Variants in ITGAE observed in about 807,000 individuals in gnomAD.
ITGAE encodes integrin subunit alpha E, also known as integrin alpha-E.
A neutral mutation model predicts 136.5 loss-of-function variants in ITGAE; 99 were observed. The ratio of observed to expected loss-of-function variants is 0.73; its 90% CI spans 0.62 to 0.86. The LOEUF (loss-of-function observed/expected upper bound fraction) is 0.86, where lower values mean the gene tolerates loss of function less well. ITGAE is among the 40% of genes least tolerant of loss of function. ITGAE has a pLI of 0.00. For missense variants in ITGAE, 1,447 were observed against 1,515.3 expected (o/e 0.95, Z 0.75); for synonymous variants, 613 against 591.8 (o/e 1.04, Z -0.52).
intron 1 of ITGAE, among the ~76,000 whole-genome samples, chr17:3,797,384 C>T (rs1489579568): frequency 6.6e-6 from 1 of 151,010 alleles, no homozygotes; most frequent in Non-Finnish European, 1.5e-5. Context: ...CCAGGATGGT[C>T]TCGATCTCCT....
rs531936589 is a variant in ITGAE at position 3,799,989 on chromosome 17, G to T, written c.34+1122C>A. 6.6e-6 allele frequency among the ~76,000 whole-genome samples: 1 copy of T among 152,248 alleles called. No individual in the cohort carries two copies. Among genetic ancestry groups the T allele is most frequent in the South Asian group, 2.1e-4 (1 of 4,812 alleles). On this transcript the variant is annotated intron_variant, in intron 1 of 30. Coordinates refer to ENST00000263087, the MANE Select transcript of ITGAE (RefSeq NM_002208.5). This position sits in a 1 kb window ranked among gnomAD's most constrained non-coding sequence, Gnocchi z 4.1. ...CAAAAATTAGCCAGGCGTGGTGGCA[G>T]GCGCCTGTAATCCCAGCTACTCGGG...
At chr17:3,774,439 C>A (rs1455401190) in intron 2 of ITGAE, among the ~76,000 whole-genome samples, 2 of 152,026 alleles carry the variant, frequency 1.3e-5, no homozygotes, top group African/African-American at 4.8e-5. Context: ...AAACCTTGAC[C>A]AGATCTGGCT....
intron 2 of ITGAE, among the ~76,000 whole-genome samples, chr17:3,772,479 T>A (rs1177909505): frequency 6.8e-6 from 1 of 147,572 alleles, no homozygotes; most frequent in Non-Finnish European, 1.5e-5. Context: ...TTTTTTTTTT[T>A]TTTTGAGACG....
In ITGAE at chr17:3,720,242, T is replaced by A. The variant is rs2051021430; in HGVS notation, c.3333+65A>T. 1.6e-5 allele frequency: 12 copies of A among 766,036 alleles called. No individual in the cohort carries two copies. In the East Asian group the frequency reaches 3.0e-4, roughly 19 times the overall value. 47.5% of individuals were successfully genotyped at this position (766,036 alleles called of 1,614,324 possible). ...CAGGAAGAGGGCAACAGAATGTCTG[T>A]GGAGGTGCTCAAAGGTTAGGCACAA... On this transcript the variant is annotated intron_variant, in intron 29 of 30. Coordinates refer to ENST00000263087, the MANE Select transcript of ITGAE (RefSeq NM_002208.5).
At position 3,728,089 on chromosome 17, in the gene ITGAE, A is replaced by C; in HGVS notation, c.2976+16T>G. ...ATTGCTTTGCCATCTACAGCTTTAC[A>C]ATAATAAGTACTTACATGGAAGAGG... On this transcript the variant is annotated intron_variant, in intron 25 of 30. Transcript: ENST00000263087. The C allele has an allele frequency of 6.2e-7, 1 of 1,608,162 alleles. No homozygotes were observed. The highest frequency in any genetic ancestry group is 1.1e-5 in the South Asian group (1 of 90,978).
intron 1 of ITGAE, among the ~76,000 whole-genome samples, chr17:3,786,888 C>CAAA (rs1268482931): frequency 1.1e-4 from 4 of 35,268 alleles, no homozygotes; most frequent in African/African-American, 1.9e-4. Context: ...GACTCCATCT[C>CAAA]AAAAAAAAAA....
chr17:3,725,942 C>A (rs1207997040), intron 26 of ITGAE: 1 of 1,613,714 alleles, frequency 6.2e-7, no homozygotes, highest in East Asian at 2.2e-5. Context: ...ACTACACCCT[C>A]AATGGGAAGA....
At chr17:3,788,918 T>G (rs1045696005) in intron 1 of ITGAE, among the ~76,000 whole-genome samples, 6 of 150,838 alleles carry the variant, frequency 4.0e-5, no homozygotes, top group African/African-American at 1.2e-4. Context: ...TATATAAAAC[T>G]TTCATAAGTT....
chr17:3,761,639 G>A lies in ITGAE; in HGVS notation c.316-119C>T, dbSNP rs927681276. The stretch of plus-strand genomic sequence containing the variant: ...CTCAACCAGGCAGGGGGCACAGGAA[G>A]AGCTGGCCCACCCCTCACCGGGTGT... On this transcript the variant is annotated intron_variant, in intron 4 of 30. Transcript: ENST00000263087. 10 of 924,924 alleles carry A rather than the reference G, an allele frequency of 1.1e-5. No individual in the cohort carries two copies. In the African/African-American group the frequency reaches 1.5e-4, roughly 14 times the overall value. 57.3% of individuals were successfully genotyped at this position (924,924 alleles called of 1,614,324 possible). A position where few individuals can be genotyped will look rare whatever the true frequency, so the allele number is the denominator to read the frequency against.
chr17:3,746,719 A>T (rs1012447778), intron 17 of ITGAE, among the ~76,000 whole-genome samples: 1 of 151,544 alleles, frequency 6.6e-6, no homozygotes, highest in African/African-American at 2.4e-5. Context: ...CGGCCTCCCA[A>T]AGTGCTGGGA....
intron 26 of ITGAE, chr17:3,726,122 T>A: frequency 6.2e-7 from 1 of 1,614,132 alleles, no homozygotes; most frequent in Non-Finnish European, 8.5e-7. Flanking sequence ...AGAAGGAGAA[T>A]AACAACCGCT....
rs778130910 is a variant in ITGAE at position 3,750,341 on chromosome 17, C to A, written c.2024+11G>T. 1.9e-6 allele frequency: 3 copies of A among 1,613,614 alleles called. No individual in the cohort carries two copies. The South Asian group carries it at 3.3e-5, about 18-fold the overall frequency. On this transcript the variant is annotated intron_variant, in intron 16 of 30. Coordinates refer to ENST00000263087, the MANE Select transcript of ITGAE (RefSeq NM_002208.5). ...GGGCCTGGGACCCCAGAAAGCAGGA[C>A]AGAACCCTACCGGAACACAACCGCC... is the stretch of plus-strand genomic sequence containing the variant.
At chr17:3,796,883 G>C (rs1393002799) in intron 1 of ITGAE, among the ~76,000 whole-genome samples, 1 of 152,132 alleles carries the variant, frequency 6.6e-6, no homozygotes, top group Non-Finnish European at 1.5e-5. Context: ...ACTGATACCA[G>C]GAGCTGAAGA....
chr17:3,777,312 G>A lies in ITGAE; in HGVS notation c.155+228C>T, dbSNP rs376744030. On this transcript the variant is annotated intron_variant, in intron 2 of 30. Coordinates refer to ENST00000263087, the MANE Select transcript of ITGAE (RefSeq NM_002208.5). ...CCCCCTGGGCAATGGAGCAGGGAGA[G>A]GCCCAGTGAGGCGTGAGGCTGGGGT... Among the ~76,000 whole-genome samples the A allele has an allele frequency of 2.6e-5, 4 of 152,244 alleles. No individual in the cohort carries two copies. The South Asian group carries it at 8.3e-4, about 32-fold the overall frequency.
Position 3,732,447 on chromosome 17 carries a change from T to C in ITGAE, c.2675A>G (p.Gln892Arg). ...AGCAACCGGCTGAGGGTCATCACAC[T>C]GAATGTTTGGAGAGGGAGGCTGTTA... ...RMQKPPSPNIQCDDPQPVASV... is the reference protein window; with the variant it reads ...RMQKPPSPNIRCDDPQPVASV... Residue 892 changes from glutamine (Q) to arginine (R), a missense_variant, in exon 22 of 31, where the codon CAG (glutamine) becomes CGG (arginine). By Grantham distance (43) the Gln-to-Arg change is conservative. Around this residue, in one of 3 missense-constraint regions of ITGAE, gnomAD observed 1,031 missense variants for 1,011.4 expected, o/e 1.02. Transcript: ENST00000263087. The C allele has an allele frequency of 6.2e-7, 1 of 1,614,068 alleles. No homozygotes were observed. Among genetic ancestry groups the C allele is most frequent in the Non-Finnish European group, 8.5e-7 (1 of 1,179,920 alleles).
At chr17:3,726,520 A>T in intron 26 of ITGAE, 3 of 590,122 alleles carry the variant, frequency 5.1e-6, no homozygotes, top group Non-Finnish European at 9.2e-6. Flanking sequence ...ATTTGCTGAT[A>T]ACAAATGTTC....
At chr17:3,800,332 C>G (rs1039492529) in intron 1 of ITGAE, among the ~76,000 whole-genome samples, 2 of 152,036 alleles carry the variant, frequency 1.3e-5, no homozygotes, top group Non-Finnish European at 2.9e-5. Flanking sequence ...TGATGCCCAT[C>G]CAATTCTCCG....
intron 26 of ITGAE, chr17:3,724,057 G>T: frequency 5.0e-6 from 8 of 1,597,464 alleles, no homozygotes; most frequent in Non-Finnish European, 5.9e-6. Flanking sequence ...CAGGACCGGA[G>T]GCGTTTCTTC....
intron 9 of ITGAE, 50 bp downstream of exon 9, chr17:3,757,656 A>C (rs755190308): frequency 3.5e-5 from 56 of 1,598,490 alleles, no homozygotes; most frequent in Non-Finnish European, 4.5e-5. Context: ...GCTTCTCCCC[A>C]CCCCAGGCTG....
Sources: allele counts gnomAD v4.1 joint callset (sites outside exome capture counted in the v4.1 genomes callset), GRCh38; gene constraint gnomAD v4.1.1; regional missense constraint gnomAD v4.1.1; non-coding constraint Gnocchi (gnomAD v3.1); transcripts MANE v1.5; gene names NCBI Gene and HGNC (gene_info 2026-07-23, HGNC 2026-07-21).